MYCN: variants seen among roughly 807,000 people sequenced by gnomAD.
The protein encoded by MYCN is MYCN proto-oncogene, bHLH transcription factor.
MYCN carries 3 observed loss-of-function variants against 28.1 expected under a neutral mutation model. That is an observed-to-expected ratio of 0.11 (90% CI 0.05 to 0.28). MYCN has a LOEUF of 0.28. Among genes scored for constraint, MYCN ranks in the 10% least tolerant of loss-of-function variants. MYCN has a pLI of 1.00. For synonymous variants in MYCN, 326 were observed against 288.3 expected, an observed-to-expected ratio of 1.13 and a Z score of -1.32; for missense variants, 572 against 651.4, an observed-to-expected ratio of 0.88 and a Z score of 1.33.
chr2:15,943,052 C>T (rs1662754434), intron 2 of MYCN, among the ~76,000 whole-genome samples, 198 bp downstream of exon 2: 1 of 152,212 alleles, frequency 6.6e-6, no homozygotes, highest in South Asian at 2.1e-4. Flanking sequence ...AAGGGGTGCT[C>T]TCCAATTCTC....
Position 15,945,653 on chromosome 2 carries a change from G to C in MYCN, c.951G>C (p.Glu317Asp), listed in dbSNP as rs1485042147. 1 of 1,614,178 alleles carries C rather than the reference G, an allele frequency of 6.2e-7. No homozygotes were observed. The highest frequency in any genetic ancestry group is 2.2e-5 in the East Asian group (1 of 44,878). ...GTCCCGGGAGGGCTCAGTCCAGCGAGCTGATCCTCAAACGATGCCTTCCCA... is the reference window on the plus strand; with the variant it reads ...GTCCCGGGAGGGCTCAGTCCAGCGACCTGATCCTCAAACGATGCCTTCCCA... ...ALGPGRAQSS[E>D]LILKRCLPIH... The change falls in exon 3 of 3, where the codon GAG (glutamate) becomes GAC (aspartate). Residue 317 changes from glutamate (E) to aspartate (D), a missense_variant. Transcript: ENST00000281043. This position sits in a 1 kb window ranked among gnomAD's most constrained non-coding sequence, Gnocchi z 4.8.
rs777292565 is a variant in MYCN, at chr2:15,942,423, T to G, written c.359T>G (p.Phe120Cys). ...VILQDCMWSG[F>C]SAREKLERAV... ...CTCCAGGACTGCATGTGGAGCGGCTTCTCCGCCCGCGAGAAGCTGGAGCGC... is the reference window on the plus strand; with the variant it reads ...CTCCAGGACTGCATGTGGAGCGGCTGCTCCGCCCGCGAGAAGCTGGAGCGC... The change falls in exon 2 of 3, where the codon TTC (phenylalanine) becomes TGC (cysteine). Residue 120 changes from phenylalanine to cysteine, a missense_variant. Transcript: ENST00000281043. This position sits in a 1 kb window ranked among gnomAD's most constrained non-coding sequence, Gnocchi z 7.0. 6.2e-7 allele frequency: 1 copy of G among 1,601,674 alleles called. No individual in the cohort carries two copies.
rs544306079 is a variant in MYCN, at chr2:15,943,849, CT to C, written c.790+998del. On this transcript the variant is annotated intron_variant, in intron 2 of 2. Transcript: ENST00000281043. ...CTGAAGGGAAGAGTTAAAACCAAGC[CT>C]TTCCCTGGGGGTCTGGATGAACAGA... is the stretch of plus-strand genomic sequence containing the variant. Among the ~76,000 whole-genome samples the C allele has an allele frequency of 4.8e-3, 732 of 152,282 alleles. 2 individuals are homozygous for C. Among genetic ancestry groups the C allele is most frequent in the Non-Finnish European group, 7.3e-3 (499 of 68,024 alleles).
rs1469113412 is a variant in MYCN, at chr2:15,942,678, T to C, written c.614T>C (p.Val205Ala). The C allele has an allele frequency of 5.1e-6, 6 of 1,178,352 alleles. No homozygotes were observed. The East Asian group carries it at 2.1e-4, about 41-fold the overall frequency. 73.0% of individuals were successfully genotyped at this position (1,178,352 alleles called of 1,614,324 possible). ...GTGAACAAGCGCGAGCCAGCGCCCG[T>C]GCCCGCAGCCCCGGCCAGTGCCCCG... ...FPVNKREPAP[V>A]PAAPASAPAA... Residue 205 changes from valine (V) to alanine (A), a missense_variant, in exon 2 of 3, where the codon GTG becomes GCG. Physicochemically the swap from Val to Ala is moderately conservative, Grantham distance 64. Transcript: ENST00000281043. The surrounding 1 kb of genome is among the most constrained non-coding windows in gnomAD (Gnocchi z 7.0).
At position 15,942,269 on chromosome 2, in the gene MYCN, G is replaced by A. The variant is rs1052552775; in HGVS notation, c.205G>A (p.Glu69Lys). 6.2e-7 allele frequency: 1 copy of A among 1,612,144 alleles called. No homozygotes were observed. Among genetic ancestry groups the A allele is most frequent in the Admixed American group, 1.7e-5 (1 of 59,908 alleles). Reference sequence around the variant, plus strand: ...GCTGTCGCCCAGCCGTGGCTTCGCGGAGCACAGCTCCGAGCCCCCGAGCTG... The same window carrying A: ...GCTGTCGCCCAGCCGTGGCTTCGCGAAGCACAGCTCCGAGCCCCCGAGCTG... The part of the protein sequence containing the change: ...PPLSPSRGFA[E>K]HSSEPPSWVT... Residue 69 changes from glutamate to lysine, a missense_variant, in exon 2 of 3, where the codon GAG becomes AAG. Coordinates refer to ENST00000281043, the MANE Select transcript of MYCN (RefSeq NM_005378.6). The surrounding 1 kb of genome is among the most constrained non-coding windows in gnomAD (Gnocchi z 7.0).
rs1033508134 is a variant in MYCN, at chr2:15,940,674, C to T, written c.-187C>T. 11 of 399,946 alleles carry T rather than the reference C, an allele frequency of 2.8e-5. No individual in the cohort carries two copies. In the East Asian group the frequency reaches 3.2e-4, roughly 12 times the overall value. The allele number at this position is 399,946 out of a possible 1,614,324, so 24.8% of individuals were successfully genotyped here. ...ACAGACTGTAGCCATCCGAGGACACCCCCGCCCCCCCGGCCCACCCGGAGA... is the reference window on the plus strand; with the variant it reads ...ACAGACTGTAGCCATCCGAGGACACTCCCGCCCCCCCGGCCCACCCGGAGA... On this transcript the variant is annotated 5_prime_UTR_variant, in exon 1 of 3. Transcript: ENST00000281043.
Position 15,942,914 on chromosome 2 carries a change from C to G in MYCN, c.790+60C>G, listed in dbSNP as rs1662747734. ...GGGCACTGGACCCCGGGTCGCGTCC[C>G]CTTTGTTAGTGCTCGTATGTCTTGG... is the stretch of plus-strand genomic sequence containing the variant. On this transcript the variant is annotated intron_variant, in intron 2 of 2. Transcript: ENST00000281043. The surrounding 1 kb of genome is among the most constrained non-coding windows in gnomAD (Gnocchi z 7.0). The G allele has an allele frequency of 2.0e-6, 3 of 1,526,604 alleles. No homozygotes were observed. The highest frequency in any genetic ancestry group is 1.2e-5 in the South Asian group (1 of 83,924). 94.6% of individuals were successfully genotyped at this position (1,526,604 alleles called of 1,614,324 possible). A position where few individuals can be genotyped will look rare whatever the true frequency, so the allele number is the denominator to read the frequency against.
rs1485820135 is a variant in MYCN at position 15,941,728 on chromosome 2, C to T, written c.-117-220C>T. The T allele has an allele frequency of 2.2e-6, 1 of 450,956 alleles. No homozygotes were observed. Among genetic ancestry groups the T allele is most frequent in the African/African-American group, 2.0e-5 (1 of 51,030 alleles). The allele number at this position is 450,956 out of a possible 1,614,324, so 27.9% of individuals were successfully genotyped here. The stretch of plus-strand genomic sequence containing the variant: ...GGAGCCTCGCCACCACCCCCTGCAT[C>T]TGCATGCCCCCTCCCACCCCCTGTC... On this transcript the variant is annotated intron_variant, in intron 1 of 2. Coordinates refer to ENST00000281043, the MANE Select transcript of MYCN (RefSeq NM_005378.6). This position sits in a 1 kb window ranked among gnomAD's most constrained non-coding sequence, Gnocchi z 4.8.
intron 2 of MYCN, among the ~76,000 whole-genome samples, chr2:15,943,832 AAG>A (rs1662787777): frequency 6.6e-6 from 1 of 152,122 alleles, no homozygotes; most frequent in African/African-American, 2.4e-5. Flanking sequence ...AGCTGAAGGG[AAG>A]AGTTAAAACC....
chr2:15,946,220 T>C lies in MYCN; in HGVS notation c.*123T>C. The stretch of plus-strand genomic sequence containing the variant: ...AAATCGGTCCCCTGTCGAGTTCGGC[T>C]CTGGGTGGGCAGTAGGACCACCAGT... On this transcript the variant is annotated 3_prime_UTR_variant, in exon 3 of 3. Coordinates refer to ENST00000281043, the MANE Select transcript of MYCN (RefSeq NM_005378.6). 1 of 1,423,722 alleles carries C rather than the reference T, an allele frequency of 7.0e-7. No individual in the cohort carries two copies. Among genetic ancestry groups the C allele is most frequent in the Non-Finnish European group, 9.7e-7 (1 of 1,029,862 alleles). 88.2% of individuals were successfully genotyped at this position (1,423,722 alleles called of 1,614,324 possible). A position where few individuals can be genotyped will look rare whatever the true frequency, so the allele number is the denominator to read the frequency against.
At chr2:15,943,145 C>A (rs1393335419) in intron 2 of MYCN, among the ~76,000 whole-genome samples, 2 of 152,230 alleles carry the variant, frequency 1.3e-5, no homozygotes, top group African/African-American at 2.4e-5. Context: ...CCCCACCTCT[C>A]TTTTGCAGCG....
In MYCN at chr2:15,946,153, A is replaced by T. The variant is rs558288322; in HGVS notation, c.*56A>T. 4 of 1,606,514 alleles carry T rather than the reference A, an allele frequency of 2.5e-6. No homozygotes were observed. The East Asian group carries it at 8.9e-5, about 36-fold the overall frequency. Reference sequence around the variant, plus strand: ...CTTTGCACATTTTGATTTTTTTTTTAAACAAACATTGTGTTGACATTAAGA... The same window carrying T: ...CTTTGCACATTTTGATTTTTTTTTTTAACAAACATTGTGTTGACATTAAGA... On this transcript the variant is annotated 3_prime_UTR_variant, in exon 3 of 3. Transcript: ENST00000281043.
chr2:15,943,022 C>T (rs1005394756), intron 2 of MYCN, among the ~76,000 whole-genome samples, 168 bp downstream of exon 2: 1 of 152,194 alleles, frequency 6.6e-6, no homozygotes, highest in African/African-American at 2.4e-5. Context: ...AGAGAAGGGG[C>T]TGAGAGAATG....
Position 15,942,072 on chromosome 2 carries a change from G to A in MYCN, c.8G>A (p.Ser3Asn), listed in dbSNP as rs373683425. 9 of 1,613,728 alleles carry A rather than the reference G, an allele frequency of 5.6e-6. No homozygotes were observed. Among genetic ancestry groups the A allele is most frequent in the Non-Finnish European group, 7.6e-6 (9 of 1,179,998 alleles). The change falls in exon 2 of 3, where the codon AGC becomes AAC. Residue 3 changes from serine to asparagine, a missense_variant. Physicochemically the swap from Ser to Asn is conservative, Grantham distance 46. Around this residue, in one of 3 missense-constraint regions of MYCN, gnomAD observed 499 missense variants for 524.3 expected, o/e 0.95. Coordinates refer to ENST00000281043, the MANE Select transcript of MYCN (RefSeq NM_005378.6). The surrounding 1 kb of genome is among the most constrained non-coding windows in gnomAD (Gnocchi z 7.0). Reference protein sequence around the residue: MPSCSTSTMPGMI... With the variant: MPNCSTSTMPGMI... Reference sequence around the variant, plus strand: ...CGGCCGGGAGGCGAGCCGATGCCGAGCTGCTCCACGTCCACCATGCCGGGC... The same window carrying A: ...CGGCCGGGAGGCGAGCCGATGCCGAACTGCTCCACGTCCACCATGCCGGGC...
At position 15,945,503 on chromosome 2, in the gene MYCN, T is replaced by C. The variant is rs2103330282; in HGVS notation, c.801T>C (p.Asp267=). The C allele has an allele frequency of 2.5e-6, 4 of 1,609,012 alleles. No homozygotes were observed. The East Asian group carries it at 6.7e-5, about 27-fold the overall frequency. ...EDTLSDSDDE[D]DEEEDEEEEI... ...GCATCTTTCTCTCAGATGATGAAGA[T>C]GATGAAGAGGAAGATGAAGAGGAAG... The change falls in exon 3 of 3, where the codon GAT becomes GAC. Residue 267 remains aspartate, a synonymous_variant. Transcript: ENST00000281043. This position sits in a 1 kb window ranked among gnomAD's most constrained non-coding sequence, Gnocchi z 4.8.
rs1662669243 is a variant in MYCN at position 15,941,546 on chromosome 2, G to A, written c.-117-402G>A. ...ACTCCAAATACCATTCCCGGTAGCTGGGTCGGAGAGCCTGGGGCTTCCCCT... is the reference window on the plus strand; with the variant it reads ...ACTCCAAATACCATTCCCGGTAGCTAGGTCGGAGAGCCTGGGGCTTCCCCT... On this transcript the variant is annotated intron_variant, in intron 1 of 2. Coordinates refer to ENST00000281043, the MANE Select transcript of MYCN (RefSeq NM_005378.6). This position sits in a 1 kb window ranked among gnomAD's most constrained non-coding sequence, Gnocchi z 4.8. 1 of 198,616 alleles carries A rather than the reference G, an allele frequency of 5.0e-6. No individual in the cohort carries two copies. The highest frequency in any genetic ancestry group is 1.0e-5 in the Non-Finnish European group (1 of 95,512). 12.3% of individuals were successfully genotyped at this position (198,616 alleles called of 1,614,324 possible).
chr2:15,946,360 C>T lies in MYCN; in HGVS notation c.*263C>T. Reference sequence around the variant, plus strand: ...AAACGTTGGTGACGGTTGGGAGCCTCTGGGGCTGTTGAAGTCACCTTGTGT... The same window carrying T: ...AAACGTTGGTGACGGTTGGGAGCCTTTGGGGCTGTTGAAGTCACCTTGTGT... On this transcript the variant is annotated 3_prime_UTR_variant, in exon 3 of 3. Coordinates refer to ENST00000281043, the MANE Select transcript of MYCN (RefSeq NM_005378.6). 1 of 535,414 alleles carries T rather than the reference C, an allele frequency of 1.9e-6. No homozygotes were observed. Among genetic ancestry groups the T allele is most frequent in the Non-Finnish European group, 3.4e-6 (1 of 296,958 alleles). 33.2% of individuals were successfully genotyped at this position (535,414 alleles called of 1,614,324 possible).
rs1558532864 is a variant in MYCN, at chr2:15,941,383, G to C, written c.-117-565G>C. ...AGGGGCGTTTGCTCAAATTTGGGGA[G>C]GGGAAGGATTTGTGGATATGGGTGT... is the stretch of plus-strand genomic sequence containing the variant. On this transcript the variant is annotated intron_variant, in intron 1 of 2. Coordinates refer to ENST00000281043, the MANE Select transcript of MYCN (RefSeq NM_005378.6). This position sits in a 1 kb window ranked among gnomAD's most constrained non-coding sequence, Gnocchi z 4.8. 6.5e-6 allele frequency: 1 copy of C among 152,692 alleles called. No homozygotes were observed. Among genetic ancestry groups the C allele is most frequent in the Non-Finnish European group, 1.5e-5 (1 of 68,370 alleles). 9.5% of individuals were successfully genotyped at this position (152,692 alleles called of 1,614,324 possible).
intron 2 of MYCN, among the ~76,000 whole-genome samples, chr2:15,944,979 T>C (rs78818655): frequency 4.5e-5 from 5 of 110,506 alleles, no homozygotes; most frequent in South Asian, 2.9e-4. Context: ...TGTATATGTA[T>C]GTATGTATGT....
Sources: gnomAD v4.1 joint callset for allele counts (sites outside exome capture counted in the v4.1 genomes callset) on GRCh38, gnomAD v4.1.1 for gene constraint, gnomAD v4.1.1 regional missense constraint, Gnocchi (gnomAD v3.1) non-coding constraint, MANE v1.5 for transcripts, NCBI Gene and HGNC (gene_info 2026-07-23, HGNC 2026-07-21) for gene names.